The following HYCC1 variants were observed in gnomAD, a reference collection of about 807,000 sequenced individuals.
HYCC1 encodes hyccin PI4KA lipid kinase complex subunit 1.
chr7:22,976,381 C>T, the HYCC1 span: 1 of 994,164 alleles, frequency 1.0e-6, no homozygotes, highest in Non-Finnish European at 1.6e-6. Flanking sequence ...AGAGAGCACT[C>T]CTTGGGGAGA....
the HYCC1 span, among the ~76,000 whole-genome samples, chr7:23,002,898 T>G: frequency 1.6e-3 from 241 of 152,250 alleles, 1 homozygote; most frequent in African/African-American, 5.3e-3. Flanking sequence ...TCTGAGAGAA[T>G]AGTTTCAGGT....
At chr7:22,940,690 C>T in the HYCC1 span, 2 of 152,144 alleles carry the variant, frequency 1.3e-5, no homozygotes, top group Non-Finnish European at 2.9e-5. Context: ...TTTTCCAAAG[C>T]TAACATCAAC....
the HYCC1 span, among the ~76,000 whole-genome samples, chr7:22,986,930 G>GT: frequency 2.6e-5 from 4 of 152,196 alleles, no homozygotes; most frequent in Non-Finnish European, 5.9e-5. Flanking sequence ...TTTCAAAAAT[G>GT]TAAGGAGGTG....
At chr7:22,928,028 A>T in the HYCC1 span, among the ~76,000 whole-genome samples, 2,454 of 152,332 alleles carry the variant, frequency 0.016, 69 homozygotes, top group African/African-American at 0.056. Flanking sequence ...AGGCTGGTTC[A>T]ATATACGAAA....
At chr7:22,955,706 T>C in the HYCC1 span, among the ~76,000 whole-genome samples, 1 of 151,596 alleles carries the variant, frequency 6.6e-6, no homozygotes, top group Non-Finnish European at 1.5e-5. Flanking sequence ...AGATTTGCTC[T>C]AGAAAAGGAG....
the HYCC1 span, among the ~76,000 whole-genome samples, chr7:22,984,949 C>T: frequency 6.6e-6 from 1 of 152,146 alleles, no homozygotes; most frequent in South Asian, 2.1e-4. Context: ...AGAGATAAAA[C>T]TCCAGTAGTA....
chr7:23,012,564 G>A, the HYCC1 span, among the ~76,000 whole-genome samples: 76 of 152,158 alleles, frequency 5.0e-4, no homozygotes, highest in Non-Finnish European at 1.5e-5. Context: ...TATTTGAATA[G>A]CTGACTTTGA....
chr7:22,990,844 C>T, the HYCC1 span, among the ~76,000 whole-genome samples: 2 of 152,056 alleles, frequency 1.3e-5, no homozygotes, highest in South Asian at 4.2e-4. Context: ...AGAAAATAAA[C>T]AAATGAATAA....
the HYCC1 span, among the ~76,000 whole-genome samples, chr7:22,981,180 C>G: frequency 2.6e-5 from 4 of 152,142 alleles, no homozygotes; most frequent in African/African-American, 7.2e-5. Context: ...AACTAGAAAA[C>G]AAGTTTTAAT....
At chr7:22,983,069 T>C in the HYCC1 span, among the ~76,000 whole-genome samples, 1 of 152,066 alleles carries the variant, frequency 6.6e-6, no homozygotes, top group African/African-American at 2.4e-5. Context: ...TGCCTCATGC[T>C]TGTAATCCCA....
the HYCC1 span, among the ~76,000 whole-genome samples, chr7:23,010,748 A>G: frequency 6.6e-6 from 1 of 152,210 alleles, no homozygotes; most frequent in Non-Finnish European, 1.5e-5. Context: ...TTCCCTCTGG[A>G]AAACAAAATT....
chr7:22,985,531 AAG>A, the HYCC1 span: 1 of 152,176 alleles, frequency 6.6e-6, no homozygotes, highest in African/African-American at 2.4e-5. Context: ...TAAGTTTAAT[AAG>A]AGAGTTTTAT....
the HYCC1 span, among the ~76,000 whole-genome samples, chr7:22,951,476 T>A: frequency 6.6e-6 from 1 of 151,870 alleles, no homozygotes; most frequent in African/African-American, 2.4e-5. Flanking sequence ...ATTTTTTACA[T>A]GAATTATGAA....
At chr7:22,953,385 A>C in the HYCC1 span, among the ~76,000 whole-genome samples, 2 of 151,962 alleles carry the variant, frequency 1.3e-5, no homozygotes, top group African/African-American at 4.8e-5. Context: ...TCTTAACTAC[A>C]GCAAGATTTA....
At chr7:22,910,886 C>A in the HYCC1 span, among the ~76,000 whole-genome samples, 1 of 150,844 alleles carries the variant, frequency 6.6e-6, no homozygotes, top group South Asian at 2.1e-4. Context: ...AAAAAAAAAA[C>A]CATGCAGAAA....
At chr7:22,939,669 G>A in the HYCC1 span, 1 of 152,060 alleles carries the variant, frequency 6.6e-6, no homozygotes, top group Admixed American at 6.6e-5. Context: ...TCTCTATTAG[G>A]TAGGATTTAA....
chr7:22,915,857 C>G, the HYCC1 span, among the ~76,000 whole-genome samples: 1 of 152,146 alleles, frequency 6.6e-6, no homozygotes, highest in Non-Finnish European at 1.5e-5. Flanking sequence ...ACCTGCCCAG[C>G]TCCCTTATTA....
At chr7:22,949,055 G>T in the HYCC1 span, among the ~76,000 whole-genome samples, 1 of 151,658 alleles carries the variant, frequency 6.6e-6, no homozygotes, top group Non-Finnish European at 1.5e-5. Flanking sequence ...GGGATCTCCA[G>T]TCCAAAAAAA....
At chr7:22,976,218 A>T in the HYCC1 span, 1 of 1,607,524 alleles carries the variant, frequency 6.2e-7, no homozygotes, top group South Asian at 1.1e-5. Context: ...ACCTTGAACA[A>T]ATTTGACACA....
Sources: gnomAD v4.1 joint callset for allele counts (sites outside exome capture counted in the v4.1 genomes callset) on GRCh38, gnomAD v4.1.1 for gene constraint, MANE v1.5 for transcripts, NCBI Gene and HGNC (gene_info 2026-07-23, HGNC 2026-07-21) for gene names.